PRKD1: variants seen among roughly 807,000 people sequenced by gnomAD.
PRKD1 encodes the protein serine/threonine-protein kinase D1.
PRKD1 carries 63 observed loss-of-function variants against 95.9 expected under a neutral mutation model. The observed-to-expected ratio is 0.66, with a 90% CI of 0.54 to 0.81. The LOEUF is 0.81. Among genes scored for constraint, PRKD1 ranks in the 30% least tolerant of loss-of-function variants. PRKD1 has a pLI of 0.00. For missense variants in PRKD1, 1,048 were observed against 1,165.3 expected, an observed-to-expected ratio of 0.90 and a Z score of 1.47; for synonymous variants, 425 against 423.1, an observed-to-expected ratio of 1.00 and a Z score of -0.05.
chr14:29,720,548 G>A (rs183489731), intron 2 of PRKD1, among the ~76,000 whole-genome samples: 212 of 152,038 alleles, frequency 1.4e-3, no homozygotes, highest in Non-Finnish European at 2.2e-3. Flanking sequence ...TTGGGAGGCC[G>A]AGACAGGCGG....
chr14:29,750,618 A>G (rs61978036), intron 1 of PRKD1, among the ~76,000 whole-genome samples: 103 of 116,796 alleles, frequency 8.8e-4, no homozygotes, highest in South Asian at 2.8e-3. Context: ...GAACGCGCGC[A>G]CACACACACA....
Position 29,666,078 on chromosome 14 carries a change from T to G in PRKD1, c.534A>C (p.Glu178Asp). The change falls in exon 3 of 18, where the codon GAA becomes GAC. Residue 178 changes from glutamate to aspartate, a missense_variant and splice_region_variant. Physicochemically the swap from Glu to Asp is conservative, Grantham distance 45. Transcript: ENST00000331968. Reference sequence around the variant, plus strand: ...TTGCATGGGAAGAAAATAACTTACCTTCACATTTAAGACCTTGACGTACCA... The same window carrying G: ...TTGCATGGGAAGAAAATAACTTACCGTCACATTTAAGACCTTGACGTACCA... Reference protein sequence around the residue: ...WGLVRQGLKCEGCGLNYHKRC... With the variant: ...WGLVRQGLKCDGCGLNYHKRC... 6.3e-7 allele frequency: 1 copy of G among 1,580,976 alleles called. No homozygotes were observed. Among genetic ancestry groups the G allele is most frequent in the South Asian group, 1.2e-5 (1 of 85,316 alleles).
In PRKD1 at chr14:29,885,804, T is replaced by TA. The variant is rs759317394; in HGVS notation, c.264+41444dup. ...CAACATGGTGAAACCCCATCTTTACTAAAAAAAAAAAAAAAAAAAAAAAAA... is the reference window on the plus strand; with the variant it reads ...CAACATGGTGAAACCCCATCTTTACTAAAAAAAAAAAAAAAAAAAAAAAAAA... On this transcript the variant is annotated intron_variant, in intron 1 of 17. Coordinates refer to ENST00000331968, the MANE Select transcript of PRKD1 (RefSeq NM_002742.3). Among the ~76,000 whole-genome samples the TA allele has an allele frequency of 8.7e-3, 465 of 53,478 alleles. 16 individuals are homozygous for TA. The highest frequency in any genetic ancestry group is 0.022 in the East Asian group (30 of 1,346). 35.1% of individuals were successfully genotyped at this position (53,478 alleles called of 152,430 possible).
chr14:29,804,588 T>C (rs201974184), intron 1 of PRKD1, among the ~76,000 whole-genome samples: 1 of 145,630 alleles, frequency 6.9e-6, no homozygotes, highest in African/African-American at 2.5e-5. Flanking sequence ...ACAATCCAAC[T>C]AAAAAAAAAA....
At chr14:29,838,670 G>A (rs977194801) in intron 1 of PRKD1, among the ~76,000 whole-genome samples, 3 of 151,846 alleles carry the variant, frequency 2.0e-5, no homozygotes, top group Non-Finnish European at 2.9e-5. Flanking sequence ...CTAATTATTG[G>A]GTACAGGGAT....
chr14:29,643,077 A>AT (rs1880899599), intron 4 of PRKD1, among the ~76,000 whole-genome samples: 1 of 152,090 alleles, frequency 6.6e-6, no homozygotes. Flanking sequence ...AAGAGAATGC[A>AT]TTTTTTAAAA....
intron 13 of PRKD1, among the ~76,000 whole-genome samples, chr14:29,600,275 A>T (rs960755827): frequency 1.3e-5 from 2 of 152,142 alleles, no homozygotes; most frequent in Non-Finnish European, 2.9e-5. Context: ...AACCTTTTAG[A>T]AATGCTTTGC....
At chr14:29,787,215 G>GTTTTT (rs34161174) in intron 1 of PRKD1, among the ~76,000 whole-genome samples, 9 of 85,244 alleles carry the variant, frequency 1.1e-4, no homozygotes, top group African/African-American at 3.2e-4. Context: ...TTTGTTCAGT[G>GTTTTT]TTTTTTTTTT....
At chr14:29,773,722 G>A (rs1888612469) in intron 1 of PRKD1, among the ~76,000 whole-genome samples, 1 of 152,134 alleles carries the variant, frequency 6.6e-6, no homozygotes, top group Non-Finnish European at 1.5e-5. Flanking sequence ...ACCATTGCTA[G>A]TAAATGGATT....
intron 1 of PRKD1, among the ~76,000 whole-genome samples, chr14:29,822,487 T>C (rs960822230): frequency 5.3e-5 from 8 of 152,190 alleles, no homozygotes; most frequent in African/African-American, 1.7e-4. Flanking sequence ...GAGCAATAAT[T>C]ATTTTAGTGC....
intron 4 of PRKD1, among the ~76,000 whole-genome samples, chr14:29,658,263 C>A (rs1292125990): frequency 6.6e-6 from 1 of 152,184 alleles, no homozygotes; most frequent in Non-Finnish European, 1.5e-5. Flanking sequence ...AACGTGCATT[C>A]ATTTACTCAT....
chr14:29,834,570 T>C (rs1014532036), intron 1 of PRKD1, among the ~76,000 whole-genome samples: 2 of 152,100 alleles, frequency 1.3e-5, no homozygotes, highest in African/African-American at 4.8e-5. Context: ...GGATGTTCAA[T>C]TTATAGATAA....
intron 1 of PRKD1, among the ~76,000 whole-genome samples, chr14:29,771,038 T>C (rs1238089606): frequency 6.7e-6 from 1 of 149,028 alleles, no homozygotes; most frequent in Non-Finnish European, 1.5e-5. Context: ...CCTCTCTAAA[T>C]AGTAACGTGA....
At chr14:29,688,116 T>G (rs1296192644) in intron 2 of PRKD1, among the ~76,000 whole-genome samples, 2 of 152,316 alleles carry the variant, frequency 1.3e-5, no homozygotes, top group South Asian at 4.1e-4. Flanking sequence ...CCTTTCCAGC[T>G]TTTGCATTTC....
intron 13 of PRKD1, among the ~76,000 whole-genome samples, chr14:29,620,524 C>A (rs1315338972): frequency 6.9e-6 from 1 of 145,610 alleles, no homozygotes. Context: ...AGGACATGAA[C>A]AGACACTTCT....
intron 2 of PRKD1, among the ~76,000 whole-genome samples, chr14:29,679,948 G>A (rs1006895849): frequency 6.6e-6 from 1 of 152,156 alleles, no homozygotes; most frequent in Non-Finnish European, 1.5e-5. Flanking sequence ...AATTTCTTAG[G>A]TAGAAACACA....
intron 7 of PRKD1, 32 bp from the exon 8 acceptor site, chr14:29,634,573 T>C: frequency 6.2e-7 from 1 of 1,612,836 alleles, no homozygotes; most frequent in Non-Finnish European, 8.5e-7. Context: ...AGGGAAAAAA[T>C]GTTTTCAGGT....
At chr14:29,641,894 A>ATT (rs1490664846) in intron 4 of PRKD1, among the ~76,000 whole-genome samples, 1 of 130,192 alleles carries the variant, frequency 7.7e-6, no homozygotes, top group African/African-American at 2.9e-5. Context: ...CTTTAAAAAT[A>ATT]TTTCTTTTTT....
intron 1 of PRKD1, among the ~76,000 whole-genome samples, chr14:29,910,749 G>T (rs12323413): frequency 0.024 from 3,597 of 152,228 alleles, 150 homozygotes; most frequent in African/African-American, 0.082. Context: ...TGGGATACAC[G>T]ATTCCCCCTT....
Sources: allele counts gnomAD v4.1 joint callset (sites outside exome capture counted in the v4.1 genomes callset), GRCh38; gene constraint gnomAD v4.1.1; transcripts MANE v1.5; gene names NCBI Gene and HGNC (gene_info 2026-07-23, HGNC 2026-07-21).